The following SLC16A4 variants were observed in gnomAD, a reference collection of about 807,000 sequenced individuals.
The protein encoded by SLC16A4 is solute carrier family 16 member 4.
A neutral mutation model predicts 47.9 loss-of-function variants in SLC16A4; 39 were observed. The ratio of observed to expected loss-of-function variants is 0.81; its 90% confidence interval spans 0.63 to 1.06. The LOEUF (loss-of-function observed/expected upper bound fraction) is 1.06, where lower values mean the gene tolerates loss of function less well. SLC16A4 is among the 50% of genes least tolerant of loss of function. The pLI, the probability that SLC16A4 is intolerant of heterozygous loss-of-function variation, is 0.00. For missense variants in SLC16A4, 524 were observed against 573.8 expected (o/e 0.91, Z 0.89); for synonymous variants, 189 against 199.9 (o/e 0.95, Z 0.46).
At chr1:110,367,953 C>G (rs922478898) in intron 8 of SLC16A4, among the ~76,000 whole-genome samples, 2 of 152,118 alleles carry the variant, frequency 1.3e-5, no homozygotes, top group Admixed American at 6.6e-5. Flanking sequence ...CTCAGCCTCC[C>G]GAGTAGCTGG....
chr1:110,367,549 A>G (rs2100985232), intron 8 of SLC16A4, among the ~76,000 whole-genome samples: 1 of 152,220 alleles, frequency 6.6e-6, no homozygotes, highest in Middle Eastern at 3.4e-3. Context: ...AAGAAAAAAA[A>G]GCCAGGTGTC....
rs1662052982 is a variant in SLC16A4 at position 110,377,145 on chromosome 1, G to A, written c.1047C>T (p.Val349=). 5.6e-6 allele frequency: 9 copies of A among 1,613,758 alleles called. No individual in the cohort carries two copies. In the East Asian group the frequency reaches 1.6e-4, roughly 28 times the overall value. ...CAACCCATCCAGAAATAATCTGACT[G>A]ACCGTCTCAAGGATACCTGGAACAA... is the stretch of plus-strand genomic sequence containing the variant. The part of the protein sequence containing the change: ...LVSVAGILET[V]SQIISGWVAD... The change falls in exon 7 of 9, where the codon GTC becomes GTT. Residue 349 remains valine (V), a synonymous_variant. Coordinates refer to ENST00000369779, the MANE Select transcript of SLC16A4 (RefSeq NM_004696.3).
In SLC16A4 at chr1:110,379,292, G is replaced by A. The variant is rs1369143981; in HGVS notation, c.591C>T (p.Pro197=). ...AATTGTTCTCACTTTTGATATGGAT[G>A]GGTCTTAAGAGCATACTAGAAGGCA... ...NLVPSSMLLR[P]IHIKSENNSG... The change falls in exon 6 of 9, where the codon CCC becomes CCT. Residue 197 remains proline, a synonymous_variant. Coordinates refer to ENST00000369779, the MANE Select transcript of SLC16A4 (RefSeq NM_004696.3). 1 of 1,613,824 alleles carries A rather than the reference G, an allele frequency of 6.2e-7. No homozygotes were observed. The highest frequency in any genetic ancestry group is 8.5e-7 in the Non-Finnish European group (1 of 1,179,860).
intron 8 of SLC16A4, among the ~76,000 whole-genome samples, chr1:110,374,587 C>G (rs985210004): frequency 6.6e-6 from 1 of 152,168 alleles, no homozygotes; most frequent in Non-Finnish European, 1.5e-5. Context: ...AGAAATACTT[C>G]TGTGTGAGTA....
intron 8 of SLC16A4, chr1:110,372,121 CTTTTT>C (rs1350223649): frequency 6.6e-6 from 1 of 151,498 alleles, no homozygotes; most frequent in Non-Finnish European, 1.5e-5. Flanking sequence ...ATATTGTTTT[CTTTTT>C]TATTTTTATA....
intron 2 of SLC16A4, among the ~76,000 whole-genome samples, chr1:110,383,806 T>TG (rs1662571739): frequency 0.029 from 309 of 10,542 alleles, 2 homozygotes; most frequent in Non-Finnish European, 0.044. Flanking sequence ...TAAAAGGAGG[T>TG]TTTTTTTTTT....
At chr1:110,388,606 T>G (rs961274224) in intron 2 of SLC16A4, among the ~76,000 whole-genome samples, 1 of 152,178 alleles carries the variant, frequency 6.6e-6, no homozygotes, top group Non-Finnish European at 1.5e-5. Context: ...AGTATGATTG[T>G]CCCCAAACCC....
At chr1:110,378,690 G>A (rs1398405139) in intron 6 of SLC16A4, among the ~76,000 whole-genome samples, 163 bp downstream of exon 6, 4 of 152,182 alleles carry the variant, frequency 2.6e-5, no homozygotes. Context: ...ATCTCTTCCT[G>A]GGAAATGCCC....
At chr1:110,369,468 C>T (rs947109886) in intron 8 of SLC16A4, among the ~76,000 whole-genome samples, 4 of 152,040 alleles carry the variant, frequency 2.6e-5, no homozygotes, top group Admixed American at 6.6e-5. Flanking sequence ...GGCATGGTGG[C>T]ACACGCCTGT....
At chr1:110,375,081 C>G (rs189383359) in intron 8 of SLC16A4, 2 of 165,966 alleles carry the variant, frequency 1.2e-5, no homozygotes, top group African/African-American at 4.8e-5. Context: ...ATACCCCCGC[C>G]TTGGCCTCCC....
At chr1:110,376,130 G>A (rs886981290) in intron 7 of SLC16A4, among the ~76,000 whole-genome samples, 4 of 152,098 alleles carry the variant, frequency 2.6e-5, no homozygotes, top group African/African-American at 9.7e-5. Flanking sequence ...ACCTGCCTCT[G>A]CCTCCCAAAG....
Position 110,382,914 on chromosome 1 carries a change from A to G in SLC16A4, c.140T>C (p.Val47Ala), listed in dbSNP as rs770105722. ...MTKTFAIFFV[V>A]FQEEFEGTSE... ...GGTGCCTTCAAACTCTTCTTGAAAG[A>G]CCACAAAGAAAATTGCAAAAGTCTT... The change falls in exon 3 of 9, where the codon GTC becomes GCC. Residue 47 changes from valine to alanine, a missense_variant. Physicochemically the swap from Val to Ala is moderately conservative, Grantham distance 64. Transcript: ENST00000369779. 1.4e-5 allele frequency: 22 copies of G among 1,612,668 alleles called. No individual in the cohort carries two copies. The highest frequency in any genetic ancestry group is 1.8e-5 in the Non-Finnish European group (21 of 1,179,110).
chr1:110,368,758 A>G (rs929712216), intron 8 of SLC16A4, among the ~76,000 whole-genome samples: 3 of 152,180 alleles, frequency 2.0e-5, no homozygotes, highest in African/African-American at 4.8e-5. Context: ...AAGGAATAAG[A>G]ATAATCATTC....
At chr1:110,390,157 G>T (rs1662960559) in intron 1 of SLC16A4, among the ~76,000 whole-genome samples, 1 of 151,926 alleles carries the variant, frequency 6.6e-6, no homozygotes, top group Non-Finnish European at 1.5e-5. Context: ...TGCAACTAAG[G>T]ACTTAGTTAC....
intron 6 of SLC16A4, among the ~76,000 whole-genome samples, chr1:110,377,967 C>T (rs1271519262): frequency 1.3e-5 from 2 of 152,080 alleles, no homozygotes; most frequent in Non-Finnish European, 2.9e-5. Context: ...ATAGCTGCTA[C>T]TACAGGCGCC....
rs192353986 is a variant in SLC16A4, at chr1:110,385,073, C to T, written c.88-2107G>A. On this transcript the variant is annotated intron_variant, in intron 2 of 8. Transcript: ENST00000369779. ...TTCCCCTTCATTAATTCCACTTTCT[C>T]GGCCCGCCTGTTACAGTTCTGTACT... is the stretch of plus-strand genomic sequence containing the variant. Among the ~76,000 whole-genome samples the T allele has an allele frequency of 3.9e-5, 6 of 152,250 alleles. No individual in the cohort carries two copies. In the East Asian group the frequency reaches 7.7e-4, roughly 20 times the overall value.
intron 2 of SLC16A4, among the ~76,000 whole-genome samples, chr1:110,386,784 T>TA (rs1662758456): frequency 4.6e-5 from 7 of 152,286 alleles, no homozygotes; most frequent in South Asian, 4.1e-4. Flanking sequence ...CAAACTTCTG[T>TA]AAAAAATGGT....
chr1:110,379,303 G>GCA lies in SLC16A4; in HGVS notation c.578_579dup (p.Leu194CysfsTer3), dbSNP rs1386910763. 6.2e-7 allele frequency: 1 copy of GCA among 1,612,740 alleles called. No homozygotes were observed. Among genetic ancestry groups the GCA allele is most frequent in the Non-Finnish European group, 8.5e-7 (1 of 1,178,848 alleles). On this transcript the variant is annotated frameshift_variant, in exon 6 of 9. Transcript: ENST00000369779. LOFTEE classifies it high-confidence loss of function. Reference sequence around the variant, plus strand: ...CTTTTGATATGGATGGGTCTTAAGAGCATACTAGAAGGCACCAAATTCAAT... The same window carrying GCA: ...CTTTTGATATGGATGGGTCTTAAGAGCACATACTAGAAGGCACCAAATTCAAT...
At chr1:110,387,982 T>G (rs1009087163) in intron 2 of SLC16A4, among the ~76,000 whole-genome samples, 5 of 152,168 alleles carry the variant, frequency 3.3e-5, no homozygotes, top group Non-Finnish European at 7.4e-5. Context: ...CCATCCTATT[T>G]GTAGAATTCT....
Sources: allele counts gnomAD v4.1 joint callset (sites outside exome capture counted in the v4.1 genomes callset), GRCh38; gene constraint gnomAD v4.1.1; transcripts MANE v1.5; gene names NCBI Gene and HGNC (gene_info 2026-07-23, HGNC 2026-07-21).